The following NPFFR2 variants were observed in gnomAD, a reference collection of about 807,000 sequenced individuals.
The protein encoded by NPFFR2 is G-protein coupled receptor 74.
A neutral mutation model predicts 13.1 loss-of-function variants in NPFFR2; 15 were observed. That is an observed-to-expected ratio of 1.15 (90% CI 0.77 to 1.76). NPFFR2 has a LOEUF of 1.76. NPFFR2 is among the 40% of genes most tolerant of loss of function. The pLI is 0.00. For synonymous variants in NPFFR2, 190 were observed against 175.7 expected, an observed-to-expected ratio of 1.08 and a Z score of -0.65; for missense variants, 572 against 503.5, an observed-to-expected ratio of 1.14 and a Z score of -1.30.
At chr4:72,107,587 A>G (rs1488590157) in intron 1 of NPFFR2, among the ~76,000 whole-genome samples, 1 of 151,934 alleles carries the variant, frequency 6.6e-6, no homozygotes, top group Non-Finnish European at 1.5e-5. Context: ...GTATAAAGCA[A>G]TTAGCTTAGT....
intron 1 of NPFFR2, among the ~76,000 whole-genome samples, chr4:72,050,438 A>G (rs576936109): frequency 1.3e-5 from 2 of 152,018 alleles, no homozygotes; most frequent in Admixed American, 6.6e-5. Context: ...TCCCTTTACA[A>G]TTCGGGCACA....
At chr4:72,097,086 T>C (rs1346869860) in intron 1 of NPFFR2, among the ~76,000 whole-genome samples, 1 of 152,072 alleles carries the variant, frequency 6.6e-6, no homozygotes, top group African/African-American at 2.4e-5. Flanking sequence ...TTTCCCTAAA[T>C]AGAATCAATA....
At chr4:72,056,456 G>T (rs1719747289) in intron 1 of NPFFR2, among the ~76,000 whole-genome samples, 1 of 151,944 alleles carries the variant, frequency 6.6e-6, no homozygotes, top group Non-Finnish European at 1.5e-5. Context: ...GGTCACTCAA[G>T]AACTCTGATA....
chr4:72,104,886 T>A (rs1721374567), intron 1 of NPFFR2, among the ~76,000 whole-genome samples: 1 of 151,840 alleles, frequency 6.6e-6, no homozygotes. Context: ...CATAGGAAAT[T>A]GAGAAACCTG....
chr4:72,072,455 G>A (rs1720286488), intron 1 of NPFFR2, among the ~76,000 whole-genome samples: 1 of 152,062 alleles, frequency 6.6e-6, no homozygotes, highest in East Asian at 1.9e-4. Context: ...GGATTCAAGA[G>A]CAAATTTGAT....
chr4:72,142,476 T>G (rs867785704), intron 3 of NPFFR2, among the ~76,000 whole-genome samples: 1 of 152,080 alleles, frequency 6.6e-6, no homozygotes, highest in South Asian at 2.1e-4. Flanking sequence ...ACCAGGTACC[T>G]CAGGTGGAAA....
chr4:72,067,947 C>T (rs1396552408), intron 1 of NPFFR2, among the ~76,000 whole-genome samples: 1 of 152,202 alleles, frequency 6.6e-6, no homozygotes, highest in African/African-American at 2.4e-5. Context: ...ATGAACCTTT[C>T]CCTGTAGCTC....
intron 1 of NPFFR2, among the ~76,000 whole-genome samples, chr4:72,117,078 A>G (rs1424255712): frequency 6.6e-6 from 1 of 151,896 alleles, no homozygotes. Flanking sequence ...AGGACCCCCC[A>G]CCCTTTTCTT....
intron 1 of NPFFR2, among the ~76,000 whole-genome samples, chr4:72,055,777 CTTTATG>C (rs1719726062): frequency 1.3e-5 from 2 of 151,872 alleles, no homozygotes; most frequent in Non-Finnish European, 1.5e-5. Context: ...AGCAAAATAG[CTTTATG>C]GCTGATATGG....
At chr4:72,123,017 AAAG>A (rs1236052795) in intron 1 of NPFFR2, among the ~76,000 whole-genome samples, 1 of 152,184 alleles carries the variant, frequency 6.6e-6, no homozygotes, top group Non-Finnish European at 1.5e-5. Flanking sequence ...GCACATTAAT[AAAG>A]AAGAAAAGAG....
Position 72,117,742 on chromosome 4 carries a change from A to G in NPFFR2, c.-7-10843A>G, listed in dbSNP as rs954250897. On this transcript the variant is annotated intron_variant, in intron 1 of 3. Transcript: ENST00000308744. ...GAACTGTTTCCCTGATGGAATGTCC[A>G]TGTGATTCTGGCCCTTTACCACCTG... Among the ~76,000 whole-genome samples, 14 of 152,360 alleles carry G rather than the reference A, an allele frequency of 9.2e-5. 1 individual carries two copies. The highest frequency in any genetic ancestry group is 4.1e-4 in the South Asian group (2 of 4,832).
At chr4:72,070,324 A>T (rs1162430740) in intron 1 of NPFFR2, among the ~76,000 whole-genome samples, 4 of 152,206 alleles carry the variant, frequency 2.6e-5, no homozygotes, top group Non-Finnish European at 4.4e-5. Context: ...CTTCACTTCT[A>T]GGTTTGACAA....
intron 1 of NPFFR2, among the ~76,000 whole-genome samples, chr4:72,126,514 C>T (rs1297526104): frequency 6.6e-6 from 1 of 152,230 alleles, no homozygotes; most frequent in African/African-American, 2.4e-5. Flanking sequence ...TAAGTTGGCT[C>T]TTGGTTGGAG....
chr4:72,078,158 A>C (rs4501189), intron 1 of NPFFR2, among the ~76,000 whole-genome samples: 135,944 of 152,102 alleles, frequency 0.89, 61,791 homozygotes, highest in Non-Finnish European at 0.98. Flanking sequence ...TAAGATTCAT[A>C]TTTTGCATAT....
intron 1 of NPFFR2, among the ~76,000 whole-genome samples, chr4:72,044,482 G>T (rs1053038608): frequency 6.6e-6 from 1 of 152,044 alleles, no homozygotes. Context: ...AACATGGAAC[G>T]TTTTTCTACT....
At chr4:72,076,006 CAGAGAGAGAG>C (rs746172911) in intron 1 of NPFFR2, among the ~76,000 whole-genome samples, 6,576 of 122,724 alleles carry the variant, frequency 0.054, 398 homozygotes, top group Admixed American at 0.15. Flanking sequence ...CACACACACA[CAGAGAGAGAG>C]AGAGGGCAGA....
intron 1 of NPFFR2, among the ~76,000 whole-genome samples, chr4:72,037,671 G>A (rs1176982110): frequency 6.6e-6 from 1 of 152,104 alleles, no homozygotes; most frequent in African/African-American, 2.4e-5. Context: ...TGTGCAAACT[G>A]TTTTGTTTGT....
intron 1 of NPFFR2, among the ~76,000 whole-genome samples, chr4:72,046,121 G>A (rs2109760130): frequency 6.6e-6 from 1 of 152,224 alleles, no homozygotes; most frequent in South Asian, 2.1e-4. Context: ...CCATGACTTG[G>A]TTAAATGAAA....
intron 1 of NPFFR2, among the ~76,000 whole-genome samples, chr4:72,034,235 C>T (rs2109750254): frequency 6.6e-6 from 1 of 152,244 alleles, no homozygotes; most frequent in South Asian, 2.1e-4. Flanking sequence ...TATTCTCATG[C>T]TGCTATAAAG....
Sources: gnomAD v4.1 joint callset for allele counts (sites outside exome capture counted in the v4.1 genomes callset) on GRCh38, gnomAD v4.1.1 for gene constraint, MANE v1.5 for transcripts, NCBI Gene and HGNC (gene_info 2026-07-23, HGNC 2026-07-21) for gene names.